ZFP41: variants seen among roughly 807,000 people sequenced by gnomAD.
The protein encoded by ZFP41 is zinc finger protein 41 homolog.
ZFP41 carries 10 observed loss-of-function variants against 11.6 expected under a neutral mutation model. The observed-to-expected ratio is 0.86, with a 90% CI of 0.53 to 1.47. The LOEUF (loss-of-function observed/expected upper bound fraction) is 1.47, where lower values mean the gene tolerates loss of function less well. ZFP41 is among the 40% of genes most tolerant of loss of function. The pLI is 0.00. For synonymous variants in ZFP41, 123 were observed against 100.9 expected, an observed-to-expected ratio of 1.22 and a Z score of -1.31; for missense variants, 302 against 264.6, an observed-to-expected ratio of 1.14 and a Z score of -0.98.
At chr8:143,252,671 C>T (rs1814801560) in intron 2 of ZFP41, 4 of 978,814 alleles carry the variant, frequency 4.1e-6, no homozygotes, top group African/African-American at 1.8e-5. Flanking sequence ...CCCGTGGTGT[C>T]GTGTACCTGC....
At position 143,250,148 on chromosome 8, in the gene ZFP41, A is replaced by C. The variant is rs1816772627; in HGVS notation, c.305A>C (p.His102Pro). The C allele has an allele frequency of 6.2e-7, 1 of 1,614,038 alleles. No homozygotes were observed. Among genetic ancestry groups the C allele is most frequent in the African/African-American group, 1.3e-5 (1 of 74,920 alleles). The change falls in exon 2 of 3, where the codon CAC (histidine) becomes CCC (proline). Residue 102 changes from histidine to proline, a missense_variant. Coordinates refer to ENST00000330701, the MANE Select transcript of ZFP41 (RefSeq NM_173832.6). ...CGRIFKHKTD[H>P]IRHQRVHTGE... The stretch of plus-strand genomic sequence containing the variant: ...CGGATCTTTAAGCACAAGACAGACC[A>C]CATTCGCCATCAGAGGGTCCACACT...
At position 143,262,038 on chromosome 8, in the gene ZFP41, TCACG is replaced by T. The variant is rs1563731675; in HGVS notation, c.*3165_*3168del. 14 of 119,184 alleles carry T rather than the reference TCACG, an allele frequency of 1.2e-4. No homozygotes were observed. The highest frequency in any genetic ancestry group is 6.3e-4 in the East Asian group (2 of 3,170). The allele number at this position is 119,184 out of a possible 1,614,324, so 7.4% of individuals were successfully genotyped here. A position where few individuals can be genotyped will look rare whatever the true frequency, so the allele number is the denominator to read the frequency against. Reference sequence around the variant, plus strand: ...CAGCCCCTGCCTGCACCCGCACCCCTCACGGCTGTCTCCGGCAGCCCCTGCCCGC... The same window carrying T: ...CAGCCCCTGCCTGCACCCGCACCCCTGCTGTCTCCGGCAGCCCCTGCCCGC... On this transcript the variant is annotated 3_prime_UTR_variant, in exon 3 of 3. Coordinates refer to ENST00000330701, the MANE Select transcript of ZFP41 (RefSeq NM_173832.6).
intron 2 of ZFP41, 148 bp downstream of exon 2, chr8:143,251,488 T>C (rs1047324759): frequency 2.6e-5 from 4 of 152,306 alleles, no homozygotes; most frequent in African/African-American, 7.2e-5. Context: ...GGGTAGCAAA[T>C]GACTTTGTAA....
rs115970076 is a variant in ZFP41 at position 143,262,189 on chromosome 8, C to T, written c.*3315C>T. On this transcript the variant is annotated 3_prime_UTR_variant, in exon 3 of 3. Coordinates refer to ENST00000330701, the MANE Select transcript of ZFP41 (RefSeq NM_173832.6). ...TGCAGGTCTGTGAGGAGGGCAGCCC[C>T]GTGCTCCCGTGGCCACCGCTCAGCC... is the stretch of plus-strand genomic sequence containing the variant. 40 of 162,196 alleles carry T rather than the reference C, an allele frequency of 2.5e-4. No individual in the cohort carries two copies. Among genetic ancestry groups the T allele is most frequent in the African/African-American group, 8.4e-4 (35 of 41,646 alleles). The allele number at this position is 162,196 out of a possible 1,614,324, so 10.0% of individuals were successfully genotyped here.
chr8:143,252,664 G>A lies in ZFP41; in HGVS notation c.*900+1324G>A, dbSNP rs1019431008. On this transcript the variant is annotated intron_variant, in intron 2 of 2. Transcript: ENST00000330701. ...TGGGGGTAGGTAGGTGGCAAGTCCC[G>A]TGGTGTCGTGTACCTGCCTCTGTGA... 26 of 982,074 alleles carry A rather than the reference G, an allele frequency of 2.6e-5. No homozygotes were observed. In the Admixed American group the frequency reaches 9.2e-4, roughly 35 times the overall value. The allele number at this position is 982,074 out of a possible 1,614,324, so 60.8% of individuals were successfully genotyped here.
chr8:143,258,898 G>T (rs541205997), intron 2 of ZFP41, among the ~76,000 whole-genome samples: 114 of 152,312 alleles, frequency 7.5e-4, no homozygotes, highest in African/African-American at 2.6e-3. Flanking sequence ...ACGGGCGGGG[G>T]TCCTCATCTC....
At position 143,250,722 on chromosome 8, in the gene ZFP41, G is replaced by A. The variant is rs1326959239; in HGVS notation, c.*282G>A. Reference sequence around the variant, plus strand: ...GAGCATTTTCCAAGTTCCCGATGGCGAACGGGGCTCAGCACCAGAGACCAG... The same window carrying A: ...GAGCATTTTCCAAGTTCCCGATGGCAAACGGGGCTCAGCACCAGAGACCAG... On this transcript the variant is annotated 3_prime_UTR_variant, in exon 2 of 3. Transcript: ENST00000330701. The A allele has an allele frequency of 1.4e-5, 7 of 513,952 alleles. No individual in the cohort carries two copies. The highest frequency in any genetic ancestry group is 3.4e-5 in the Admixed American group (1 of 29,790). The allele number at this position is 513,952 out of a possible 1,614,324, so 31.8% of individuals were successfully genotyped here.
chr8:143,254,430 G>T (rs906742057), intron 2 of ZFP41, among the ~76,000 whole-genome samples: 2 of 152,130 alleles, frequency 1.3e-5, no homozygotes, highest in African/African-American at 2.4e-5. Flanking sequence ...AAACCAGGGG[G>T]CGGGACAGGG....
chr8:143,252,754 G>A, intron 2 of ZFP41: 1 of 482,330 alleles, frequency 2.1e-6, no homozygotes, highest in Non-Finnish European at 2.7e-6. Flanking sequence ...GCTCCCCGGG[G>A]CTGTGGTCAG....
chr8:143,255,572 G>A (rs1397293413), intron 2 of ZFP41, among the ~76,000 whole-genome samples: 1 of 144,938 alleles, frequency 6.9e-6, no homozygotes, highest in Non-Finnish European at 1.5e-5. Flanking sequence ...CCGCGTGCTG[G>A]TGTTCTTGAG....
At chr8:143,249,418 G>A (rs1001306173) in intron 1 of ZFP41, 11 of 163,364 alleles carry the variant, frequency 6.7e-5, no homozygotes, top group Admixed American at 3.4e-4. Context: ...GAGGGAAGCC[G>A]CAGGGCAGTT....
At chr8:143,255,127 GTT>G (rs1354132387) in intron 2 of ZFP41, among the ~76,000 whole-genome samples, 1 of 152,162 alleles carries the variant, frequency 6.6e-6, no homozygotes, top group Non-Finnish European at 1.5e-5. Context: ...AGGCAGGTGG[GTT>G]CCTGATCCTA....
At chr8:143,251,551 GT>G (rs1814757330) in intron 2 of ZFP41, among the ~76,000 whole-genome samples, 2 of 152,228 alleles carry the variant, frequency 1.3e-5, no homozygotes, top group African/African-American at 4.8e-5. Flanking sequence ...GTTTTCAGCT[GT>G]TTAGACGTGA....
In ZFP41 at chr8:143,258,138, C is replaced by A. The variant is rs1027940529; in HGVS notation, c.*901-1637C>A. 2.6e-5 allele frequency among the ~76,000 whole-genome samples: 4 copies of A among 152,094 alleles called. No homozygotes were observed. The South Asian group carries it at 8.3e-4, about 32-fold the overall frequency. The stretch of plus-strand genomic sequence containing the variant: ...CTCAGGAGTTTGAGACCAGCCTGGG[C>A]AACAGAGTGAGATTTCATTTCTAAT... On this transcript the variant is annotated intron_variant, in intron 2 of 2. Transcript: ENST00000330701.
At chr8:143,256,795 C>T (rs1005795442) in intron 2 of ZFP41, among the ~76,000 whole-genome samples, 1 of 152,122 alleles carries the variant, frequency 6.6e-6, no homozygotes, top group Non-Finnish European at 1.5e-5. Flanking sequence ...ATAACCAAAA[C>T]AAAACCAGTC....
At chr8:143,252,250 C>G (rs926455613) in intron 2 of ZFP41, among the ~76,000 whole-genome samples, 1 of 152,264 alleles carries the variant, frequency 6.6e-6, no homozygotes, top group African/African-American at 2.4e-5. Context: ...CACACTGGGT[C>G]CTGACCCGCA....
chr8:143,255,615 G>C (rs1311449308), intron 2 of ZFP41, among the ~76,000 whole-genome samples: 1 of 134,082 alleles, frequency 7.5e-6, no homozygotes, highest in Non-Finnish European at 1.6e-5. Context: ...GTGTTAGTGA[G>C]ATCAGAGCTC....
intron 2 of ZFP41, among the ~76,000 whole-genome samples, chr8:143,259,463 A>G (rs1015011012): frequency 2.0e-5 from 3 of 152,198 alleles, no homozygotes; most frequent in African/African-American, 7.2e-5. Context: ...GGATCATGTC[A>G]TGTACACTCA....
Position 143,251,264 on chromosome 8 carries a change from G to A in ZFP41, c.*824G>A, listed in dbSNP as rs4348512. ...CCCCTGGGGTGCCCTCGGCAGCTTC[G>A]GTCCAGCCTGCATCTGCCCCTCGGC... On this transcript the variant is annotated 3_prime_UTR_variant, in exon 2 of 3. Transcript: ENST00000330701. 0.45 allele frequency: 74,903 copies of A among 167,170 alleles called. 17,766 individuals carry two copies. The highest frequency in any genetic ancestry group is 0.69 in the East Asian group (3,567 of 5,168). The allele number at this position is 167,170 out of a possible 1,614,324, so 10.4% of individuals were successfully genotyped here.
Sources: gnomAD v4.1 joint callset for allele counts (sites outside exome capture counted in the v4.1 genomes callset) on GRCh38, gnomAD v4.1.1 for gene constraint, MANE v1.5 for transcripts, NCBI Gene and HGNC (gene_info 2026-07-23, HGNC 2026-07-21) for gene names.